The following CPNE5 variants were observed in gnomAD, a reference collection of about 807,000 sequenced individuals.
The protein encoded by CPNE5 is copine 5, also known as copine-5.
A neutral mutation model predicts 81.1 loss-of-function variants in CPNE5; 42 were observed. The ratio of observed to expected loss-of-function variants is 0.52; its 90% CI spans 0.40 to 0.67. CPNE5 has a LOEUF of 0.67. CPNE5 is among the 30% of genes least tolerant of loss of function. CPNE5 has a pLI of 0.00. For synonymous variants in CPNE5, 313 were observed against 321.5 expected, an observed-to-expected ratio of 0.97 and a Z score of 0.28; for missense variants, 612 against 815.5, an observed-to-expected ratio of 0.75 and a Z score of 3.04.
chr6:36,817,988 G>A (rs1252603397), intron 3 of CPNE5, among the ~76,000 whole-genome samples: 1 of 152,082 alleles, frequency 6.6e-6, no homozygotes, highest in Admixed American at 6.6e-5. Flanking sequence ...CCTCAACAGT[G>A]CAGGATGCTA....
intron 11 of CPNE5, among the ~76,000 whole-genome samples, chr6:36,764,684 C>T (rs922273093): frequency 1.1e-4 from 16 of 152,152 alleles, no homozygotes; most frequent in Admixed American, 9.2e-4. Flanking sequence ...CCAAAGACCC[C>T]GAGTGGGAAG....
chr6:36,819,290 G>C (rs1163545727), intron 3 of CPNE5, among the ~76,000 whole-genome samples: 1 of 152,162 alleles, frequency 6.6e-6, no homozygotes, highest in Non-Finnish European at 1.5e-5. Context: ...AGTAGAGATG[G>C]GGTTTCTCCA....
At chr6:36,763,287 G>A (rs1766230417) in intron 11 of CPNE5, among the ~76,000 whole-genome samples, 1 of 152,166 alleles carries the variant, frequency 6.6e-6, no homozygotes, top group Non-Finnish European at 1.5e-5. Flanking sequence ...ATTTGAATAT[G>A]AAATGAATAG....
chr6:36,809,773 C>T lies in CPNE5; in HGVS notation c.184-9703G>A, dbSNP rs182886128. ...CAGCTCATTAGGAAATGGATGCTGA[C>T]GGGTACCCCAGCCAGTGGGGCTCCC... is the stretch of plus-strand genomic sequence containing the variant. On this transcript the variant is annotated intron_variant, in intron 3 of 20. Coordinates refer to ENST00000244751, the MANE Select transcript of CPNE5 (RefSeq NM_020939.2). 6.1e-4 allele frequency among the ~76,000 whole-genome samples: 92 copies of T among 151,994 alleles called. 1 individual carries two copies. In the East Asian group the frequency reaches 0.014, roughly 23 times the overall value.
intron 1 of CPNE5, among the ~76,000 whole-genome samples, chr6:36,827,137 C>T (rs866781898): frequency 2.0e-5 from 3 of 152,274 alleles, no homozygotes; most frequent in South Asian, 2.1e-4. Flanking sequence ...TGCTGAGTCC[C>T]TTCCCCAGCT....
At chr6:36,804,060 C>T (rs567615045) in intron 3 of CPNE5, among the ~76,000 whole-genome samples, 14 of 152,276 alleles carry the variant, frequency 9.2e-5, no homozygotes, top group Non-Finnish European at 1.5e-4. Flanking sequence ...TCACAAAAAT[C>T]CTGTGAGGTA....
chr6:36,794,479 G>T (rs1271714685), intron 7 of CPNE5, 111 bp downstream of exon 7: 1 of 1,029,222 alleles, frequency 9.7e-7, no homozygotes, highest in Non-Finnish European at 1.5e-6. Flanking sequence ...CCCGGATCAG[G>T]GCCAAATTCG....
At chr6:36,760,604 G>A (rs940665255) in intron 12 of CPNE5, among the ~76,000 whole-genome samples, 1 of 152,184 alleles carries the variant, frequency 6.6e-6, no homozygotes. Flanking sequence ...GTGTTTGCTC[G>A]TGGACTGGAT....
intron 3 of CPNE5, among the ~76,000 whole-genome samples, chr6:36,801,180 T>C (rs1009821777): frequency 6.6e-6 from 1 of 152,252 alleles, no homozygotes; most frequent in Non-Finnish European, 1.5e-5. Flanking sequence ...TAATAGGCAG[T>C]CAATAATTGA....
chr6:36,793,446 T>A (rs926189342), intron 7 of CPNE5, among the ~76,000 whole-genome samples: 1 of 152,142 alleles, frequency 6.6e-6, no homozygotes. Flanking sequence ...AGTAAAGACA[T>A]GATTTGTTTG....
intron 9 of CPNE5, among the ~76,000 whole-genome samples, chr6:36,776,024 C>T (rs1767466806): frequency 6.6e-6 from 1 of 152,172 alleles, no homozygotes; most frequent in African/African-American, 2.4e-5. Context: ...CATCTGAATC[C>T]ATGAACCTGT....
intron 13 of CPNE5, chr6:36,754,370 T>C (rs1064827): frequency 0.74 from 112,969 of 152,110 alleles, 42,251 homozygotes; most frequent in African/African-American, 0.79. Flanking sequence ...CTTTCCCCTA[T>C]TCAAAGGGTA....
chr6:36,827,327 C>T (rs2150602929), intron 1 of CPNE5: 1 of 985,406 alleles, frequency 1.0e-6, no homozygotes, highest in Non-Finnish European at 1.2e-6. Context: ...AAACCTCCTA[C>T]CTTGGCTTTG....
intron 8 of CPNE5, among the ~76,000 whole-genome samples, chr6:36,786,012 CAAAAA>C (rs36060316): frequency 3.6e-5 from 3 of 83,854 alleles, no homozygotes; most frequent in African/African-American, 4.8e-5. Flanking sequence ...GACTCCGTCT[CAAAAA>C]AAAAAAAAAA....
rs146179098 is a variant in CPNE5 at position 36,785,035 on chromosome 6, A to G, written c.529-6078T>C. Among the ~76,000 whole-genome samples the G allele has an allele frequency of 7.0e-3, 1,065 of 152,266 alleles. 7 individuals carry two copies. Among genetic ancestry groups the G allele is most frequent in the African/African-American group, 0.024 (996 of 41,532 alleles). Reference sequence around the variant, plus strand: ...GAGAAGATAAAGCAGCTCCTGCAATATATAATTTCCTACAATTTCTGTCTT... The same window carrying G: ...GAGAAGATAAAGCAGCTCCTGCAATGTATAATTTCCTACAATTTCTGTCTT... On this transcript the variant is annotated intron_variant, in intron 8 of 20. Transcript: ENST00000244751.
intron 6 of CPNE5, 70 bp downstream of exon 6, chr6:36,798,095 T>A (rs1038241657): frequency 8.0e-7 from 1 of 1,253,586 alleles, no homozygotes; most frequent in Non-Finnish European, 1.1e-6. Context: ...TTTGTCCCCA[T>A]CCTGAGCCAG....
intron 1 of CPNE5, chr6:36,838,641 G>A (rs1300359459): frequency 7.2e-6 from 3 of 414,498 alleles, no homozygotes; most frequent in Non-Finnish European, 9.7e-6. Context: ...TAAGATTTTT[G>A]ACCCAAGTTA....
Position 36,762,916 on chromosome 6 carries a change from C to T in CPNE5, c.855+1G>A. 1 of 1,614,000 alleles carries T rather than the reference C, an allele frequency of 6.2e-7. No homozygotes were observed. Among genetic ancestry groups the T allele is most frequent in the Non-Finnish European group, 8.5e-7 (1 of 1,179,872 alleles). ...CCCTGGATTTCGGGTGCCCACCTCA[C>T]CTCATAGATGTTGAATTGGCTCTGC... is the stretch of plus-strand genomic sequence containing the variant. On this transcript the variant is annotated splice_donor_variant, in intron 12 of 20. Coordinates refer to ENST00000244751, the MANE Select transcript of CPNE5 (RefSeq NM_020939.2). LOFTEE classifies it high-confidence loss of function.
At chr6:36,763,336 C>T (rs7776391) in intron 11 of CPNE5, among the ~76,000 whole-genome samples, 12,693 of 152,208 alleles carry the variant, frequency 0.083, 840 homozygotes, top group African/African-American at 0.17. Flanking sequence ...GGCGCGGTGG[C>T]TCATGCCTAT....
Sources: gnomAD v4.1 joint callset for allele counts (sites outside exome capture counted in the v4.1 genomes callset) on GRCh38, gnomAD v4.1.1 for gene constraint, MANE v1.5 for transcripts, NCBI Gene and HGNC (gene_info 2026-07-23, HGNC 2026-07-21) for gene names.